FOXK1: variants seen among roughly 807,000 people sequenced by gnomAD.
FOXK1 encodes forkhead box K1.
A neutral mutation model predicts 51.9 loss-of-function variants in FOXK1; 19 were observed. That is an observed-to-expected ratio of 0.37 (90% CI 0.26 to 0.54). FOXK1 has a LOEUF of 0.54. FOXK1 is among the 20% of genes least tolerant of loss of function. FOXK1 has a pLI of 0.87. For synonymous variants in FOXK1, 537 were observed against 482.6 expected (o/e 1.11, Z -1.48); for missense variants, 870 against 1,032.7 (o/e 0.84, Z 2.16).
chr7:4,722,975 C>T lies in FOXK1; in HGVS notation c.561-17863C>T, dbSNP rs1338904298. Among the ~76,000 whole-genome samples, 2 of 151,852 alleles carry T rather than the reference C, an allele frequency of 1.3e-5. No homozygotes were observed. The highest frequency in any genetic ancestry group is 2.4e-5 in the African/African-American group (1 of 41,338). On this transcript the variant is annotated intron_variant, in intron 1 of 8. Transcript: ENST00000328914. The surrounding 1 kb of genome is among the most constrained non-coding windows in gnomAD (Gnocchi z 5.1). ...GGAAGAACCCCCAGGAGCAGGTGGC[C>T]GACGCAGGCACCCTCAGATCTGAGA...
chr7:4,696,432 C>T (rs1048120144), intron 1 of FOXK1, among the ~76,000 whole-genome samples: 6 of 152,112 alleles, frequency 3.9e-5, no homozygotes, highest in African/African-American at 1.2e-4. Flanking sequence ...CAGGTGTGTG[C>T]GCGTGACATG....
chr7:4,719,701 C>G (rs530309579), intron 1 of FOXK1, among the ~76,000 whole-genome samples: 2 of 149,462 alleles, frequency 1.3e-5, no homozygotes, highest in East Asian at 2.0e-4. Flanking sequence ...AGGCTGGTCT[C>G]GAACTCCTGA....
intron 1 of FOXK1, among the ~76,000 whole-genome samples, chr7:4,718,901 C>T (rs1051997564): frequency 1.3e-5 from 2 of 152,172 alleles, no homozygotes; most frequent in African/African-American, 2.4e-5. Flanking sequence ...CCTCCGCCTC[C>T]GGGGTTCAAG....
At position 4,770,140 on chromosome 7, in the gene FOXK1, TCA is replaced by T. The variant is rs1024717241; in HGVS notation, c.*7679_*7680del. On this transcript the variant is annotated 3_prime_UTR_variant, in exon 9 of 9. Transcript: ENST00000328914. The stretch of plus-strand genomic sequence containing the variant: ...TGTTTGTTTGTTCTCTGCATGAAGT[TCA>T]CAGGCCTGTATGGATGTTAAATTGT... 1 of 152,230 alleles carries T rather than the reference TCA, an allele frequency of 6.6e-6. No homozygotes were observed. Among genetic ancestry groups the T allele is most frequent in the Non-Finnish European group, 1.5e-5 (1 of 68,046 alleles). 9.4% of individuals were successfully genotyped at this position (152,230 alleles called of 1,614,324 possible). A position where few individuals can be genotyped will look rare whatever the true frequency, so the allele number is the denominator to read the frequency against.
intron 1 of FOXK1, among the ~76,000 whole-genome samples, chr7:4,714,282 G>A (rs1780208281): frequency 6.6e-6 from 1 of 151,964 alleles, no homozygotes; most frequent in African/African-American, 2.4e-5. Context: ...TTCACTGTGT[G>A]TGTCTGTTTG....
intron 1 of FOXK1, among the ~76,000 whole-genome samples, chr7:4,704,831 A>ATTTTTTTTTT (rs1780063109): frequency 1.8e-5 from 2 of 111,978 alleles, no homozygotes; most frequent in Non-Finnish European, 3.3e-5. Flanking sequence ...TCTATGTTTC[A>ATTTTTTTTTT]TTCTTTTTTT....
In FOXK1 at chr7:4,761,294, G is replaced by A. The variant is rs1402388155; in HGVS notation, c.1921+6G>A. 6.2e-7 allele frequency: 1 copy of A among 1,608,948 alleles called. No homozygotes were observed. The highest frequency in any genetic ancestry group is 1.3e-5 in the African/African-American group (1 of 74,876). Reference sequence around the variant, plus strand: ...TTTAGCCGGCAACGCTTACGGTGAGGCCCTGGCCCTGTTCTCCATGCCACA... The same window carrying A: ...TTTAGCCGGCAACGCTTACGGTGAGACCCTGGCCCTGTTCTCCATGCCACA... On this transcript the variant is annotated splice_donor_region_variant and intron_variant, in intron 8 of 8. Coordinates refer to ENST00000328914, the MANE Select transcript of FOXK1 (RefSeq NM_001037165.2). The surrounding 1 kb of genome is among the most constrained non-coding windows in gnomAD (Gnocchi z 6.2).
In FOXK1 at chr7:4,721,052, A is replaced by G. The variant is rs150741533; in HGVS notation, c.561-19786A>G. Among the ~76,000 whole-genome samples the G allele has an allele frequency of 6.6e-5, 10 of 152,120 alleles. No homozygotes were observed. The East Asian group carries it at 1.9e-3, about 29-fold the overall frequency. On this transcript the variant is annotated intron_variant, in intron 1 of 8. Transcript: ENST00000328914. Reference sequence around the variant, plus strand: ...TTTTTGTCTTTCAGTTAAGTTTTGTAGTTTTCTCTGCACGGGCCCTCCGTG... The same window carrying G: ...TTTTTGTCTTTCAGTTAAGTTTTGTGGTTTTCTCTGCACGGGCCCTCCGTG...
intron 3 of FOXK1, 21 bp downstream of exon 3, chr7:4,754,636 G>A (rs780408769): frequency 3.1e-5 from 50 of 1,596,466 alleles, no homozygotes; most frequent in Middle Eastern, 3.4e-4. Context: ...ACCTGGCGCC[G>A]TGGTGCACCT....
intron 2 of FOXK1, among the ~76,000 whole-genome samples, chr7:4,750,955 C>T (rs559882399): frequency 1.3e-4 from 19 of 151,652 alleles, no homozygotes; most frequent in African/African-American, 3.9e-4. Flanking sequence ...CTGCCCACCT[C>T]GGCCCCCTCA....
At chr7:4,714,392 C>T (rs1434935574) in intron 1 of FOXK1, among the ~76,000 whole-genome samples, 1 of 152,204 alleles carries the variant, frequency 6.6e-6, no homozygotes, top group Non-Finnish European at 1.5e-5. Context: ...GATTCTCTTG[C>T]CTCAGCCTCC....
In FOXK1 at chr7:4,729,663, C is replaced by G. The variant is rs146685384; in HGVS notation, c.561-11175C>G. The stretch of plus-strand genomic sequence containing the variant: ...GTCTCTCGCCACCTTCCTCCAGGGT[C>G]TTCCTGAGACAGAGACCGAGACTTC... On this transcript the variant is annotated intron_variant, in intron 1 of 8. Coordinates refer to ENST00000328914, the MANE Select transcript of FOXK1 (RefSeq NM_001037165.2). This position sits in a 1 kb window ranked among gnomAD's most constrained non-coding sequence, Gnocchi z 6.2. 5.3e-4 allele frequency among the ~76,000 whole-genome samples: 80 copies of G among 152,324 alleles called. No homozygotes were observed. The highest frequency in any genetic ancestry group is 1.9e-3 in the African/African-American group (78 of 41,588).
chr7:4,688,588 A>G (rs1045235800), intron 1 of FOXK1, among the ~76,000 whole-genome samples: 3 of 151,938 alleles, frequency 2.0e-5, no homozygotes, highest in Non-Finnish European at 4.4e-5. Context: ...TGGTTTCACC[A>G]TGTTGGCCAG....
At position 4,766,044 on chromosome 7, in the gene FOXK1, G is replaced by C. The variant is rs1329790266; in HGVS notation, c.*3580G>C. On this transcript the variant is annotated 3_prime_UTR_variant, in exon 9 of 9. Coordinates refer to ENST00000328914, the MANE Select transcript of FOXK1 (RefSeq NM_001037165.2). This position sits in a 1 kb window ranked among gnomAD's most constrained non-coding sequence, Gnocchi z 5.5. Reference sequence around the variant, plus strand: ...GGCATGGTACCCAGTATCCCGGTGTGTGCCCATCCTCAGCCACTTGTGTCT... The same window carrying C: ...GGCATGGTACCCAGTATCCCGGTGTCTGCCCATCCTCAGCCACTTGTGTCT... 1 of 152,314 alleles carries C rather than the reference G, an allele frequency of 6.6e-6. No individual in the cohort carries two copies. The highest frequency in any genetic ancestry group is 1.5e-5 in the Non-Finnish European group (1 of 68,082). The allele number at this position is 152,314 out of a possible 1,614,324, so 9.4% of individuals were successfully genotyped here.
At position 4,703,166 on chromosome 7, in the gene FOXK1, C is replaced by A. The variant is rs185406984; in HGVS notation, c.560+20298C>A. On this transcript the variant is annotated intron_variant, in intron 1 of 8. Transcript: ENST00000328914. The surrounding 1 kb of genome is among the most constrained non-coding windows in gnomAD (Gnocchi z 5.6). Reference sequence around the variant, plus strand: ...CTCTCTCAGGGGATTCCAGGGCAGGCGGCTGGGAGGGCGTTTCTGAGGAAG... The same window carrying A: ...CTCTCTCAGGGGATTCCAGGGCAGGAGGCTGGGAGGGCGTTTCTGAGGAAG... Among the ~76,000 whole-genome samples the A allele has an allele frequency of 6.6e-6, 1 of 152,004 alleles. No homozygotes were observed. The highest frequency in any genetic ancestry group is 6.6e-5 in the Admixed American group (1 of 15,254).
At chr7:4,757,336 A>C (rs1780867297) in intron 5 of FOXK1, 149 bp downstream of exon 5, 1 of 686,190 alleles carries the variant, frequency 1.5e-6, no homozygotes. Context: ...AAAATATTCC[A>C]AAAAAAAGAA....
In FOXK1 at chr7:4,730,778, CA is replaced by C. The variant is rs1345377843; in HGVS notation, c.561-10059del. On this transcript the variant is annotated intron_variant, in intron 1 of 8. Transcript: ENST00000328914. The surrounding 1 kb of genome is among the most constrained non-coding windows in gnomAD (Gnocchi z 4.7). ...GGGGTTGTCATAAATAAATGCCTTC[CA>C]TTTTTAATAGAAAGACAGTATTTTA... 6.6e-6 allele frequency among the ~76,000 whole-genome samples: 1 copy of C among 152,196 alleles called. No individual in the cohort carries two copies. The highest frequency in any genetic ancestry group is 1.5e-5 in the Non-Finnish European group (1 of 68,044).
At position 4,730,816 on chromosome 7, in the gene FOXK1, T is replaced by A. The variant is rs1415407792; in HGVS notation, c.561-10022T>A. 6.6e-6 allele frequency among the ~76,000 whole-genome samples: 1 copy of A among 152,148 alleles called. No individual in the cohort carries two copies. The highest frequency in any genetic ancestry group is 2.4e-5 in the African/African-American group (1 of 41,440). ...AAGACAGTATTTTAGGTTAAAAAAT[T>A]TAAGGTTGTCAGAATTCTCTGATTT... On this transcript the variant is annotated intron_variant, in intron 1 of 8. Coordinates refer to ENST00000328914, the MANE Select transcript of FOXK1 (RefSeq NM_001037165.2). This position sits in a 1 kb window ranked among gnomAD's most constrained non-coding sequence, Gnocchi z 4.7.
At chr7:4,737,427 T>G (rs1780566788) in intron 1 of FOXK1, among the ~76,000 whole-genome samples, 2 of 145,724 alleles carry the variant, frequency 1.4e-5, no homozygotes, top group African/African-American at 5.1e-5. Context: ...AACGGGTAGG[T>G]GTGTGTGCAT....
Sources: gnomAD v4.1 joint callset for allele counts (sites outside exome capture counted in the v4.1 genomes callset) on GRCh38, gnomAD v4.1.1 for gene constraint, Gnocchi (gnomAD v3.1) non-coding constraint, MANE v1.5 for transcripts, NCBI Gene and HGNC (gene_info 2026-07-23, HGNC 2026-07-21) for gene names.